ARL15: variants seen among roughly 807,000 people sequenced by gnomAD.
The protein encoded by ARL15 is ARF like GTPase 15, also known as ADP-ribosylation factor-like protein 15.
In ARL15, 19 loss-of-function variants were observed where a neutral mutation model predicts 25.2. The ratio of observed to expected loss-of-function variants is 0.75; its 90% CI spans 0.53 to 1.10. The LOEUF is 1.10. ARL15 is among the 50% of genes least tolerant of loss of function. ARL15 has a pLI of 0.00. For missense variants in ARL15, 220 were observed against 246.0 expected (o/e 0.89, Z 0.71); for synonymous variants, 94 against 86.8 (o/e 1.08, Z -0.46).
chr5:54,173,333 T>C (rs1754775521), intron 1 of ARL15, among the ~76,000 whole-genome samples: 1 of 151,998 alleles, frequency 6.6e-6, no homozygotes, highest in South Asian at 2.1e-4. Flanking sequence ...GCCTGAAACA[T>C]TTAGACCCTG....
chr5:54,227,660 A>G (rs1230627761), intron 1 of ARL15, among the ~76,000 whole-genome samples: 1 of 152,248 alleles, frequency 6.6e-6, no homozygotes, highest in African/African-American at 2.4e-5. Flanking sequence ...CACACAGGGC[A>G]GCTAAAACAT....
intron 4 of ARL15, among the ~76,000 whole-genome samples, chr5:53,959,802 C>T (rs1747301820): frequency 6.6e-6 from 1 of 152,160 alleles, no homozygotes; most frequent in Admixed American, 6.5e-5. Flanking sequence ...CCACTGGCAA[C>T]TCTCCTTCCT....
intron 3 of ARL15, among the ~76,000 whole-genome samples, chr5:54,152,129 C>T (rs1032981429): frequency 3.3e-5 from 5 of 152,108 alleles, no homozygotes; most frequent in African/African-American, 1.2e-4. Flanking sequence ...GTCTTCTGAG[C>T]AACCCTCCAC....
At chr5:53,979,681 A>G (rs1748057085) in intron 4 of ARL15, among the ~76,000 whole-genome samples, 1 of 152,020 alleles carries the variant, frequency 6.6e-6, no homozygotes, top group African/African-American at 2.4e-5. Flanking sequence ...CTAAAGCCCC[A>G]CTCCTTCACT....
chr5:54,115,899 C>A (rs1023230035), intron 3 of ARL15, among the ~76,000 whole-genome samples: 2 of 152,216 alleles, frequency 1.3e-5, no homozygotes, highest in African/African-American at 4.8e-5. Flanking sequence ...ATCTTAGGTC[C>A]GGTTCCCTAG....
intron 4 of ARL15, among the ~76,000 whole-genome samples, chr5:53,957,514 A>G (rs550685475): frequency 6.6e-6 from 1 of 152,254 alleles, no homozygotes; most frequent in South Asian, 2.1e-4. Flanking sequence ...TCAAAGCTAT[A>G]ACAAAGACAT....
At chr5:54,147,124 A>T (rs937041799) in intron 3 of ARL15, among the ~76,000 whole-genome samples, 2 of 152,168 alleles carry the variant, frequency 1.3e-5, no homozygotes, top group Admixed American at 1.3e-4. Flanking sequence ...CATTTCCCCT[A>T]GTATAGGCTA....
At chr5:53,997,035 C>G (rs1229716507) in intron 4 of ARL15, among the ~76,000 whole-genome samples, 2 of 152,188 alleles carry the variant, frequency 1.3e-5, no homozygotes, top group African/African-American at 2.4e-5. Flanking sequence ...AGATCTCTTT[C>G]CAACATTACT....
chr5:54,227,971 T>G (rs961562813), intron 1 of ARL15, among the ~76,000 whole-genome samples: 27 of 152,112 alleles, frequency 1.8e-4, no homozygotes, highest in Non-Finnish European at 1.0e-4. Context: ...AGAGGATGGG[T>G]TGGAAAAAAC....
intron 4 of ARL15, among the ~76,000 whole-genome samples, chr5:54,028,511 T>TAAAAAAAAA (rs71598893): frequency 6.9e-6 from 1 of 144,982 alleles, no homozygotes. Context: ...TTTAGTAAAT[T>TAAAAAAAAA]AAAAAAAAAA....
chr5:53,964,494 G>T (rs1481414974), intron 4 of ARL15, among the ~76,000 whole-genome samples: 1 of 151,986 alleles, frequency 6.6e-6, no homozygotes, highest in East Asian at 1.9e-4. Flanking sequence ...CTAGTAGCTG[G>T]GACTACAGGC....
intron 4 of ARL15, among the ~76,000 whole-genome samples, chr5:54,042,034 G>A (rs1292259283): frequency 6.6e-6 from 1 of 150,844 alleles, no homozygotes; most frequent in East Asian, 2.0e-4. Flanking sequence ...GCAGTGGCAC[G>A]ATCTCGGCTC....
intron 4 of ARL15, among the ~76,000 whole-genome samples, chr5:54,070,686 C>CA (rs1186957507): frequency 2.0e-5 from 3 of 150,552 alleles, no homozygotes; most frequent in Non-Finnish European, 1.5e-5. Context: ...ACTAAAAATA[C>CA]AAAAAAATAT....
chr5:53,913,218 G>A (rs1392271128), intron 4 of ARL15, among the ~76,000 whole-genome samples: 1 of 152,194 alleles, frequency 6.6e-6, no homozygotes, highest in African/African-American at 2.4e-5. Flanking sequence ...TGGGAGGATT[G>A]CTTGAGCCCA....
chr5:54,228,493 C>A (rs1236126050), intron 1 of ARL15, among the ~76,000 whole-genome samples: 1 of 146,906 alleles, frequency 6.8e-6, no homozygotes, highest in Non-Finnish European at 1.5e-5. Context: ...CTGACCCCCC[C>A]ACCCCCACCC....
chr5:53,993,241 ACT>A (rs1748565283), intron 4 of ARL15, among the ~76,000 whole-genome samples: 1 of 151,976 alleles, frequency 6.6e-6, no homozygotes, highest in Non-Finnish European at 1.5e-5. Context: ...CAAACTGTTA[ACT>A]CTCTTCTTTC....
chr5:54,242,644 T>C (rs560983415), intron 1 of ARL15, among the ~76,000 whole-genome samples: 1 of 152,322 alleles, frequency 6.6e-6, no homozygotes, highest in South Asian at 2.1e-4. Flanking sequence ...GGCAGCCATC[T>C]TGCCACCAGG....
chr5:53,977,858 G>C (rs1379220147), intron 4 of ARL15, among the ~76,000 whole-genome samples: 1 of 130,960 alleles, frequency 7.6e-6, no homozygotes, highest in Admixed American at 8.2e-5. Flanking sequence ...CTGCCCCCCC[G>C]CCCCAACAAC....
At chr5:54,248,364 A>C (rs770908921) in intron 1 of ARL15, among the ~76,000 whole-genome samples, 1 of 151,974 alleles carries the variant, frequency 6.6e-6, no homozygotes, top group Non-Finnish European at 1.5e-5. Flanking sequence ...TCTTTCTCGG[A>C]CTCACTCTCC....
Sources: allele counts gnomAD v4.1 joint callset (sites outside exome capture counted in the v4.1 genomes callset), GRCh38; gene constraint gnomAD v4.1.1; transcripts MANE v1.5; gene names NCBI Gene and HGNC (gene_info 2026-07-23, HGNC 2026-07-21).